The following LURAP1L variants were observed in gnomAD, a reference collection of about 807,000 sequenced individuals.
LURAP1L encodes the protein leucine rich adaptor protein 1-like.
In LURAP1L, 12 loss-of-function variants were observed where a neutral mutation model predicts 13.8. The ratio of observed to expected loss-of-function variants is 0.87; its 90% confidence interval spans 0.56 to 1.41. The LOEUF (loss-of-function observed/expected upper bound fraction) is 1.41. LURAP1L is among the 40% of genes most tolerant of loss of function. The pLI is 0.00. For missense variants in LURAP1L, 375 were observed against 292.9 expected (o/e 1.28, Z -2.04); for synonymous variants, 139 against 119.2 (o/e 1.17, Z -1.08).
intron 1 of LURAP1L, among the ~76,000 whole-genome samples, chr9:12,811,308 A>G (rs1374123091): frequency 3.3e-5 from 5 of 152,204 alleles, no homozygotes; most frequent in Non-Finnish European, 7.4e-5. Context: ...AGTTTAGTCT[A>G]TTATCTTATC....
intron 1 of LURAP1L, among the ~76,000 whole-genome samples, chr9:12,777,894 A>T (rs1206765638): frequency 1.3e-5 from 2 of 152,178 alleles, no homozygotes; most frequent in Non-Finnish European, 1.5e-5. Context: ...TATTGTAGTG[A>T]TGAATCACAA....
In LURAP1L at chr9:12,777,665, A is replaced by G. The variant is rs148799003; in HGVS notation, c.312+1638A>G. The G allele has an allele frequency of 2.7e-4, 214 of 779,966 alleles. No individual in the cohort carries two copies. The African/African-American group carries it at 3.9e-3, about 14-fold the overall frequency. The allele number at this position is 779,966 out of a possible 1,614,324, so 48.3% of individuals were successfully genotyped here. ...CTCAGACACAATTTAGAGTATTTAT[A>G]TATAACTTGAAAACAGTAACATTTC... On this transcript the variant is annotated intron_variant, in intron 1 of 1. Transcript: ENST00000319264.
chr9:12,775,563 A>G lies in LURAP1L; in HGVS notation c.-153A>G, dbSNP rs1397192137. On this transcript the variant is annotated 5_prime_UTR_variant, in exon 1 of 2. Coordinates refer to ENST00000319264, the MANE Select transcript of LURAP1L (RefSeq NM_203403.2). ...GTGCGGATTTCAGGGCTGATACCGC[A>G]TAGGCGGTTATGGAAAGGACGGTAC... 3 of 1,281,598 alleles carry G rather than the reference A, an allele frequency of 2.3e-6. No homozygotes were observed. The highest frequency in any genetic ancestry group is 3.0e-5 in the African/African-American group (2 of 65,730). 79.4% of individuals were successfully genotyped at this position (1,281,598 alleles called of 1,614,324 possible).
At chr9:12,796,577 T>C (rs374984998) in intron 1 of LURAP1L, among the ~76,000 whole-genome samples, 4 of 152,090 alleles carry the variant, frequency 2.6e-5, no homozygotes, top group South Asian at 2.1e-4. Context: ...CTTTTCCACA[T>C]TGCAGGTTAT....
In LURAP1L at chr9:12,821,762, GAC is replaced by G. The variant is rs143527607; in HGVS notation, c.*4_*5del. 8 of 1,606,564 alleles carry G rather than the reference GAC, an allele frequency of 5.0e-6. No homozygotes were observed. In the African/African-American group the frequency reaches 1.1e-4, roughly 21 times the overall value. Reference sequence around the variant, plus strand: ...TCTGAATACTACTGCTTTGGCTAGTGACAGTTTTTTGCATGGGACTGGTGTGC... The same window carrying G: ...TCTGAATACTACTGCTTTGGCTAGTGAGTTTTTTGCATGGGACTGGTGTGC... On this transcript the variant is annotated 3_prime_UTR_variant, in exon 2 of 2. Coordinates refer to ENST00000319264, the MANE Select transcript of LURAP1L (RefSeq NM_203403.2).
intron 1 of LURAP1L, among the ~76,000 whole-genome samples, chr9:12,784,755 A>G (rs1054780602): frequency 3.3e-5 from 5 of 151,520 alleles, no homozygotes; most frequent in Admixed American, 6.6e-5. Context: ...GAATCATTCT[A>G]AACTTGTATT....
chr9:12,775,990 G>A lies in LURAP1L; in HGVS notation c.275G>A (p.Arg92Lys), dbSNP rs373322755. ...PRGSHSSALE[R>K]LETKLHLLRQ... The stretch of plus-strand genomic sequence containing the variant: ...GGTAGCCACTCTAGCGCCCTGGAGA[G>A]GCTAGAAACCAAGCTTCACCTCCTC... The change falls in exon 1 of 2, where the codon AGG becomes AAG. Residue 92 changes from arginine to lysine, a missense_variant. Transcript: ENST00000319264. The A allele has an allele frequency of 1.9e-6, 3 of 1,610,300 alleles. No homozygotes were observed. Among genetic ancestry groups the A allele is most frequent in the Non-Finnish European group, 2.5e-6 (3 of 1,178,630 alleles).
intron 1 of LURAP1L, among the ~76,000 whole-genome samples, chr9:12,789,264 T>C (rs1376223485): frequency 1.1e-4 from 16 of 152,176 alleles, no homozygotes; most frequent in Admixed American, 1.0e-3. Flanking sequence ...ATATGTAAAG[T>C]AGCTGAGATT....
chr9:12,797,856 T>A (rs1346814129), intron 1 of LURAP1L, among the ~76,000 whole-genome samples: 1 of 152,182 alleles, frequency 6.6e-6, no homozygotes, highest in Non-Finnish European at 1.5e-5. Context: ...ATCCAGCTAT[T>A]ATTTAGTTTC....
intron 1 of LURAP1L, among the ~76,000 whole-genome samples, chr9:12,798,519 GA>G (rs1188866770): frequency 6.6e-6 from 1 of 152,186 alleles, no homozygotes; most frequent in African/African-American, 2.4e-5. Flanking sequence ...TAAGAACTGA[GA>G]AAAGTAAACC....
chr9:12,821,580 T>C lies in LURAP1L; in HGVS notation c.507T>C (p.Asp169=), dbSNP rs1819881283. The stretch of plus-strand genomic sequence containing the variant: ...GTGGCAGCTACAACAGCCTACACGA[T>C]GGCAGTGATGGGCTGGATGGCATTT... ...SLRGSYNSLH[D]GSDGLDGISV... Residue 169 remains aspartate, a synonymous_variant, in exon 2 of 2, where the codon GAT becomes GAC. Transcript: ENST00000319264. The C allele has an allele frequency of 6.2e-7, 1 of 1,614,186 alleles. No individual in the cohort carries two copies.
chr9:12,807,262 T>C (rs772310866), intron 1 of LURAP1L, among the ~76,000 whole-genome samples: 48 of 151,760 alleles, frequency 3.2e-4, no homozygotes, highest in Non-Finnish European at 6.2e-4. Context: ...CGAGACTCCA[T>C]CTCAAAAACT....
chr9:12,813,877 G>A (rs1819770756), intron 1 of LURAP1L, among the ~76,000 whole-genome samples: 1 of 152,176 alleles, frequency 6.6e-6, no homozygotes, highest in Non-Finnish European at 1.5e-5. Flanking sequence ...TATCAATTGA[G>A]ATTAACTGTA....
At chr9:12,781,353 C>A (rs73403654) in intron 1 of LURAP1L, among the ~76,000 whole-genome samples, 8,923 of 152,208 alleles carry the variant, frequency 0.059, 926 homozygotes, top group African/African-American at 0.2. Flanking sequence ...GCTCTTATTA[C>A]TTCTTTCTAA....
intron 1 of LURAP1L, among the ~76,000 whole-genome samples, chr9:12,796,909 T>C (rs1819518291): frequency 6.6e-6 from 1 of 151,244 alleles, no homozygotes; most frequent in Admixed American, 6.6e-5. Context: ...TTCTACCATT[T>C]AAGGTTTGAG....
At chr9:12,785,914 A>G (rs1819343908) in intron 1 of LURAP1L, among the ~76,000 whole-genome samples, 1 of 152,062 alleles carries the variant, frequency 6.6e-6, no homozygotes, top group Non-Finnish European at 1.5e-5. Flanking sequence ...GGGGGTGACA[A>G]TTGCTGGAGG....
intron 1 of LURAP1L, among the ~76,000 whole-genome samples, chr9:12,782,879 C>G (rs992667012): frequency 1.3e-5 from 2 of 152,020 alleles, no homozygotes; most frequent in Admixed American, 1.3e-4. Context: ...CTTTTTGTGT[C>G]TTATTCAATT....
Position 12,822,713 on chromosome 9 carries a change from C to T in LURAP1L, c.*953C>T, listed in dbSNP as rs930620460. On this transcript the variant is annotated 3_prime_UTR_variant, in exon 2 of 2. Transcript: ENST00000319264. ...GAAGTCTAATATGATATACATTCAT[C>T]CTAGTATAAATAAATAATCTCTAAG... Among the ~76,000 whole-genome samples the T allele has an allele frequency of 5.9e-5, 9 of 152,044 alleles. No individual in the cohort carries two copies. The highest frequency in any genetic ancestry group is 4.4e-5 in the Non-Finnish European group (3 of 67,996).
chr9:12,775,859 T>TGGCGGCGGC lies in LURAP1L; in HGVS notation c.146_147insCGGCGGCGG (p.Gly53_Gly55dup), dbSNP rs762724934. On this transcript the variant is annotated inframe_insertion, in exon 1 of 2. Coordinates refer to ENST00000319264, the MANE Select transcript of LURAP1L (RefSeq NM_203403.2). Reference sequence around the variant, plus strand: ...GGGACCCCTGCGGGGGGAGCGGTGGTGGTGGCGGCGGCGGCGGCGGCTGCA... The same window carrying TGGCGGCGGC: ...GGGACCCCTGCGGGGGGAGCGGTGGTGGCGGCGGCGGTGGCGGCGGCGGCGGCGGCTGCA... 6.4e-4 allele frequency: 521 copies of TGGCGGCGGC among 819,468 alleles called. 1 individual carries two copies. Among genetic ancestry groups the TGGCGGCGGC allele is most frequent in the Admixed American group, 5.9e-3 (149 of 25,084 alleles). 50.8% of individuals were successfully genotyped at this position (819,468 alleles called of 1,614,324 possible).
Sources: gnomAD v4.1 joint callset for allele counts (sites outside exome capture counted in the v4.1 genomes callset) on GRCh38, gnomAD v4.1.1 for gene constraint, MANE v1.5 for transcripts, NCBI Gene and HGNC (gene_info 2026-07-23, HGNC 2026-07-21) for gene names.